SUMF1: variants seen among roughly 807,000 people sequenced by gnomAD.
SUMF1 encodes sulfatase modifying factor 1.
In SUMF1, 48 loss-of-function variants were observed where a neutral mutation model predicts 47.6. The observed-to-expected ratio is 1.01, with a 90% CI of 0.80 to 1.28. The LOEUF (loss-of-function observed/expected upper bound fraction) is 1.28, where lower values mean the gene tolerates loss of function less well. Among genes scored for constraint, SUMF1 ranks in the 50% most tolerant of loss-of-function variants. The pLI, the probability that SUMF1 is intolerant of heterozygous loss-of-function variation, is 0.00. For synonymous variants in SUMF1, 230 were observed against 192.1 expected (o/e 1.20, Z -1.63); for missense variants, 571 against 485.4 (o/e 1.18, Z -1.66).
chr3:4,134,072 T>C (rs576435593), intron 8 of SUMF1, among the ~76,000 whole-genome samples: 56 of 152,088 alleles, frequency 3.7e-4, no homozygotes, highest in African/African-American at 1.3e-3. Flanking sequence ...GACAGAAAGT[T>C]AACAAGGATA....
At chr3:4,160,772 A>G (rs1420282040) in intron 8 of SUMF1, among the ~76,000 whole-genome samples, 3 of 151,772 alleles carry the variant, frequency 2.0e-5, no homozygotes, top group East Asian at 3.9e-4. Context: ...AGCTATTTTG[A>G]CTTCTCTGTC....
intron 8 of SUMF1, among the ~76,000 whole-genome samples, chr3:4,175,116 A>G (rs751063826): frequency 6.6e-6 from 1 of 152,198 alleles, no homozygotes; most frequent in Non-Finnish European, 1.5e-5. Context: ...ATAGCTGAAC[A>G]AAAGAAAGCA....
chr3:4,403,724 G>A (rs140668415), intron 7 of SUMF1, among the ~76,000 whole-genome samples: 45 of 152,334 alleles, frequency 3.0e-4, no homozygotes, highest in African/African-American at 9.1e-4. Context: ...TGACAATGCA[G>A]TAAGTTGCCC....
chr3:4,418,920 T>A (rs1209079921), intron 4 of SUMF1, among the ~76,000 whole-genome samples: 1 of 152,244 alleles, frequency 6.6e-6, no homozygotes, highest in Non-Finnish European at 1.5e-5. Flanking sequence ...TGCTCACTTT[T>A]TTAAAAGTGG....
At chr3:4,045,372 C>G (rs1167191354) in intron 9 of SUMF1, among the ~76,000 whole-genome samples, 1 of 151,646 alleles carries the variant, frequency 6.6e-6, no homozygotes, top group Non-Finnish European at 1.5e-5. Context: ...AATTCTATGT[C>G]CAACCATCCA....
At chr3:4,115,555 C>G (rs1002492061) in intron 8 of SUMF1, among the ~76,000 whole-genome samples, 1 of 130,678 alleles carries the variant, frequency 7.7e-6, no homozygotes, top group African/African-American at 3.1e-5. Context: ...CCCAAAAACG[C>G]TCCTCACGAC....
chr3:4,079,294 G>A (rs558560161), intron 8 of SUMF1, among the ~76,000 whole-genome samples: 5 of 152,030 alleles, frequency 3.3e-5, no homozygotes, highest in Non-Finnish European at 7.4e-5. Flanking sequence ...AAGGGTTTTT[G>A]GAAATCATCT....
intron 8 of SUMF1, among the ~76,000 whole-genome samples, chr3:4,128,183 T>G (rs1011208907): frequency 6.6e-6 from 1 of 152,094 alleles, no homozygotes; most frequent in African/African-American, 2.4e-5. Context: ...TAGAAAAAGC[T>G]AAAGTTGTGG....
chr3:4,089,780 T>A (rs998986922), intron 8 of SUMF1, among the ~76,000 whole-genome samples: 2 of 152,186 alleles, frequency 1.3e-5, no homozygotes, highest in Admixed American at 1.3e-4. Flanking sequence ...TCCTACATGT[T>A]GATCACATCA....
rs554082070 is a variant in SUMF1 at position 4,156,878 on chromosome 3, G to A, written c.1015-88133C>T. Among the ~76,000 whole-genome samples, 3 of 151,706 alleles carry A rather than the reference G, an allele frequency of 2.0e-5. No homozygotes were observed. The South Asian group carries it at 6.2e-4, about 32-fold the overall frequency. ...TTTTCTAGTTCCCAGTTGACTAAGT[G>A]CAAACTTGAATGAGTAATGCTGCTG... is the stretch of plus-strand genomic sequence containing the variant. On this transcript the variant is annotated intron_variant and NMD_transcript_variant, in intron 8 of 12. Transcript: ENST00000448413.
intron 8 of SUMF1, among the ~76,000 whole-genome samples, chr3:4,228,381 C>T (rs1000502240): frequency 6.6e-6 from 1 of 151,964 alleles, no homozygotes; most frequent in Non-Finnish European, 1.5e-5. Context: ...TTCCCCTCAT[C>T]CTAGATTAGA....
At chr3:4,398,225 G>C (rs922026125) in intron 7 of SUMF1, among the ~76,000 whole-genome samples, 4 of 152,114 alleles carry the variant, frequency 2.6e-5, no homozygotes, top group African/African-American at 9.7e-5. Context: ...ACATCTGCAA[G>C]CTCCTTAAGA....
intron 8 of SUMF1, among the ~76,000 whole-genome samples, chr3:4,265,885 C>G (rs1697183555): frequency 6.6e-6 from 1 of 152,060 alleles, no homozygotes; most frequent in African/African-American, 2.4e-5. Flanking sequence ...AATCTTTAAT[C>G]CATCTTGAAT....
downstream of SUMF1, among the ~76,000 whole-genome samples, chr3:4,357,269 A>T (rs1442299233): frequency 6.6e-6 from 1 of 152,096 alleles, no homozygotes; most frequent in Non-Finnish European, 1.5e-5. Context: ...CAGAACAGAA[A>T]GCACTATGTT....
chr3:4,043,892 T>C (rs62257654), intron 9 of SUMF1, among the ~76,000 whole-genome samples: 24,920 of 152,060 alleles, frequency 0.16, 2,577 homozygotes, highest in South Asian at 0.28. Context: ...GCCCTCGAGG[T>C]TATACCAACT....
chr3:4,127,386 A>G (rs1693678760), intron 8 of SUMF1, among the ~76,000 whole-genome samples: 1 of 152,152 alleles, frequency 6.6e-6, no homozygotes, highest in Admixed American at 6.5e-5. Flanking sequence ...AAGGAGATTA[A>G]CATTTGAGTC....
intron 8 of SUMF1, among the ~76,000 whole-genome samples, chr3:4,272,715 G>A (rs1220364448): frequency 6.6e-6 from 1 of 152,070 alleles, no homozygotes; most frequent in Non-Finnish European, 1.5e-5. Context: ...AAAATCAAAG[G>A]TAATAAATAT....
At chr3:4,084,925 A>G (rs1486500402) in intron 8 of SUMF1, among the ~76,000 whole-genome samples, 1 of 152,150 alleles carries the variant, frequency 6.6e-6, no homozygotes, top group Non-Finnish European at 1.5e-5. Context: ...TCAAGTTTCA[A>G]ACAGACCATC....
chr3:4,454,854 A>C (rs1437478318), intron 1 of SUMF1, among the ~76,000 whole-genome samples: 1 of 152,218 alleles, frequency 6.6e-6, no homozygotes, highest in Non-Finnish European at 1.5e-5. Flanking sequence ...TATTCATATG[A>C]AATGTCCAGA....
Sources: gnomAD v4.1 joint callset for allele counts (sites outside exome capture counted in the v4.1 genomes callset) on GRCh38, gnomAD v4.1.1 for gene constraint, MANE v1.5 for transcripts, NCBI Gene and HGNC (gene_info 2026-07-23, HGNC 2026-07-21) for gene names.